Variants in OPHN1 observed in about 807,000 individuals in gnomAD.
The protein encoded by OPHN1 is oligophrenin-1.
OPHN1 carries 11 observed loss-of-function variants against 60.7 expected under a neutral mutation model. The observed-to-expected ratio is 0.18, with a 90% CI of 0.11 to 0.30. OPHN1 has a LOEUF of 0.30. OPHN1 is among the 10% of genes least tolerant of loss of function. OPHN1 has a pLI of 1.00. For missense variants in OPHN1, 449 were observed against 611.0 expected, an observed-to-expected ratio of 0.73 and a Z score of 2.80; for synonymous variants, 226 against 222.6, an observed-to-expected ratio of 1.02 and a Z score of -0.14.
At chrX:68,256,049 A>AG (rs1168055324) in intron 5 of OPHN1, among the ~76,000 whole-genome samples, 4 of 110,446 alleles carry the variant, frequency 3.6e-5, no homozygotes, top group Non-Finnish European at 3.8e-5. Flanking sequence ...CTACAGAGAG[A>AG]GGGGGGTCTC....
At chrX:68,094,918 A>G (rs2077032599) in intron 19 of OPHN1, among the ~76,000 whole-genome samples, 2 of 111,105 alleles carry the variant, frequency 1.8e-5, no homozygotes, top group South Asian at 7.7e-4. Context: ...GGATAGGTGA[A>G]TGAATCATTC....
At chrX:68,334,010 G>A (rs1271579196) in intron 2 of OPHN1, among the ~76,000 whole-genome samples, 1 of 107,148 alleles carries the variant, frequency 9.3e-6, no homozygotes, top group African/African-American at 3.4e-5. Context: ...CGATTCTCAT[G>A]CCTCGGCCTC....
At chrX:68,174,469 CT>C (rs767690922) in intron 15 of OPHN1, among the ~76,000 whole-genome samples, 17 of 76,303 alleles carry the variant, frequency 2.2e-4, no homozygotes, top group African/African-American at 7.1e-4. Flanking sequence ...TTAACTTATT[CT>C]TTTTTTTTTT....
intron 2 of OPHN1, among the ~76,000 whole-genome samples, chrX:68,303,711 T>A (rs1225732669): frequency 6.3e-5 from 7 of 110,251 alleles, no homozygotes; most frequent in East Asian, 2.8e-4. Context: ...ATTCAGCAAT[T>A]AAAAAGCATG....
At chrX:68,217,221 G>C (rs923561556) in intron 6 of OPHN1, among the ~76,000 whole-genome samples, 3 of 112,018 alleles carry the variant, frequency 2.7e-5, no homozygotes, top group African/African-American at 6.5e-5. Flanking sequence ...CTTTTCCGAC[G>C]GGCTTAAAAA....
intron 2 of OPHN1, among the ~76,000 whole-genome samples, chrX:68,317,359 GAAA>G (rs1569278045): frequency 0.017 from 1,097 of 64,336 alleles, 35 homozygotes; most frequent in African/African-American, 0.074. Flanking sequence ...AAGAAAGAAA[GAAA>G]GAAAGAAAGA....
chrX:68,399,244 C>T (rs974107283), intron 2 of OPHN1, among the ~76,000 whole-genome samples: 9 of 111,811 alleles, frequency 8.0e-5, no homozygotes, highest in East Asian at 2.8e-4. Context: ...ACCACTGCAA[C>T]TACCACCTAA....
At chrX:68,280,716 C>A (rs1250903237) in intron 4 of OPHN1, among the ~76,000 whole-genome samples, 1 of 111,355 alleles carries the variant, frequency 9.0e-6, no homozygotes, top group Non-Finnish European at 1.9e-5. Context: ...ACATTTAAGT[C>A]CCCAATAAGT....
At chrX:68,104,987 G>T (rs918660248) in intron 18 of OPHN1, among the ~76,000 whole-genome samples, 9 of 112,014 alleles carry the variant, frequency 8.0e-5, no homozygotes, top group Admixed American at 7.5e-4. Context: ...CCATCAAAAA[G>T]TGGGCGAGGG....
chrX:68,402,319 AAG>A lies in OPHN1; in HGVS notation c.154+30546_154+30547del, dbSNP rs1247382187. ...GAAAAGAAAAGAAAAGAGAGAAAGA[AAG>A]AGAAGGAAGAAGAAAAAGAAGAAGA... On this transcript the variant is annotated intron_variant, in intron 2 of 24. Coordinates refer to ENST00000355520, the MANE Select transcript of OPHN1 (RefSeq NM_002547.3). 2.8e-5 allele frequency among the ~76,000 whole-genome samples: 3 copies of A among 108,181 alleles called. No individual in the cohort carries two copies. The Admixed American group carries it at 3.0e-4, about 11-fold the overall frequency. The allele number at this position is 108,181 out of a possible 115,157, so 93.9% of individuals were successfully genotyped here. A position where few individuals can be genotyped will look rare whatever the true frequency, so the allele number is the denominator to read the frequency against.
intron 20 of OPHN1, among the ~76,000 whole-genome samples, chrX:68,064,528 A>G (rs2076906042): frequency 8.9e-6 from 1 of 112,651 alleles, no homozygotes; most frequent in East Asian, 2.8e-4. Flanking sequence ...TGAAGACATC[A>G]TCAGTTAATT....
intron 2 of OPHN1, among the ~76,000 whole-genome samples, chrX:68,350,790 C>T (rs893739182): frequency 2.2e-4 from 24 of 110,313 alleles, no homozygotes; most frequent in African/African-American, 7.6e-4. Context: ...GTTGGGATTA[C>T]AGTTGTGGGC....
chrX:68,231,345 GT>G (rs1224547886), intron 6 of OPHN1, among the ~76,000 whole-genome samples: 1 of 111,922 alleles, frequency 8.9e-6, no homozygotes, highest in African/African-American at 3.2e-5. Flanking sequence ...ATCATTCATT[GT>G]TCATGGAAAT....
At chrX:68,186,477 A>C (rs1306240484) in intron 15 of OPHN1, among the ~76,000 whole-genome samples, 2 of 104,201 alleles carry the variant, frequency 1.9e-5, no homozygotes, top group Admixed American at 1.0e-4. Context: ...TATTACAGTA[A>C]AAAAAAAAAA....
intron 2 of OPHN1, among the ~76,000 whole-genome samples, chrX:68,377,738 T>C (rs2078568320): frequency 9.0e-6 from 1 of 110,869 alleles, no homozygotes; most frequent in African/African-American, 3.3e-5. Context: ...GTTTCATCCA[T>C]GTCCCTACAA....
chrX:68,283,250 G>T, intron 3 of OPHN1, 133 bp from the exon 4 acceptor site: 1 of 503,216 alleles, frequency 2.0e-6, no homozygotes, highest in Admixed American at 2.9e-5. Flanking sequence ...GTGTCAAATC[G>T]GAGGACAAAA....
chrX:68,260,801 T>C (rs1364197539), intron 5 of OPHN1, among the ~76,000 whole-genome samples: 1 of 111,385 alleles, frequency 9.0e-6, no homozygotes, highest in Admixed American at 9.5e-5. Flanking sequence ...ACATGGAAAT[T>C]CAAATTATTT....
intron 2 of OPHN1, among the ~76,000 whole-genome samples, chrX:68,301,924 T>C: frequency 1.8e-5 from 2 of 112,678 alleles, no homozygotes; most frequent in Admixed American, 1.9e-4. Context: ...GATTAATTAG[T>C]GTAGACACCT....
At chrX:68,395,059 G>A (rs2078676350) in intron 2 of OPHN1, among the ~76,000 whole-genome samples, 1 of 110,579 alleles carries the variant, frequency 9.0e-6, no homozygotes, top group Non-Finnish European at 1.9e-5. Flanking sequence ...AGACTCAAGC[G>A]ATTCTCATGC....
Sources: gnomAD v4.1 joint callset for allele counts (sites outside exome capture counted in the v4.1 genomes callset) on GRCh38, gnomAD v4.1.1 for gene constraint, MANE v1.5 for transcripts, NCBI Gene and HGNC (gene_info 2026-07-23, HGNC 2026-07-21) for gene names.